Variants in CWF19L2 observed in about 807,000 individuals in gnomAD.
CWF19L2 encodes the protein CWF19 like cell cycle control factor 2.
CWF19L2 carries 98 observed loss-of-function variants against 111.7 expected under a neutral mutation model. The observed-to-expected ratio is 0.88, with a 90% confidence interval of 0.75 to 1.04. The LOEUF (loss-of-function observed/expected upper bound fraction) is 1.04, where lower values mean the gene tolerates loss of function less well. Among genes scored for constraint, CWF19L2 ranks in the 50% least tolerant of loss-of-function variants. The pLI, the probability that CWF19L2 is intolerant of heterozygous loss-of-function variation, is 0.00. For synonymous variants in CWF19L2, 351 were observed against 342.9 expected, an observed-to-expected ratio of 1.02 and a Z score of -0.26; for missense variants, 1,101 against 1,051.4, an observed-to-expected ratio of 1.05 and a Z score of -0.65.
chr11:107,339,597 T>A (rs559203930), intron 14 of CWF19L2, among the ~76,000 whole-genome samples: 1 of 152,132 alleles, frequency 6.6e-6, no homozygotes, highest in African/African-American at 2.4e-5. Flanking sequence ...ATATCATTTT[T>A]ATATGCTTAT....
At chr11:107,390,921 A>G (rs1199300378) in intron 11 of CWF19L2, among the ~76,000 whole-genome samples, 1 of 152,200 alleles carries the variant, frequency 6.6e-6, no homozygotes, top group Non-Finnish European at 1.5e-5. Context: ...GCTGCCAGCG[A>G]GTCAGAGATG....
rs777931542 is a variant in CWF19L2, at chr11:107,455,690, A to G, written c.192T>C (p.Asn64=). The change falls in exon 2 of 18, where the codon AAT becomes AAC. Residue 64 remains asparagine (N), a synonymous_variant. Transcript: ENST00000282251. ...GEDTWMLPDV[N]ERIEQFSQEH... Reference sequence around the variant, plus strand: ...CCTGTGAGAACTGTTCAATTCTCTCATTCACATCAGGTAGCATCCATGTAT... The same window carrying G: ...CCTGTGAGAACTGTTCAATTCTCTCGTTCACATCAGGTAGCATCCATGTAT... 3.4e-5 allele frequency: 53 copies of G among 1,549,766 alleles called. No homozygotes were observed. The highest frequency in any genetic ancestry group is 7.9e-6 in the Non-Finnish European group (9 of 1,145,644).
chr11:107,442,420 G>A (rs1293734328), intron 4 of CWF19L2, among the ~76,000 whole-genome samples: 1 of 151,830 alleles, frequency 6.6e-6, no homozygotes, highest in Non-Finnish European at 1.5e-5. Flanking sequence ...AGTGGCTCAC[G>A]TCTCTAATTC....
At chr11:107,434,645 T>A (rs944116354) in intron 6 of CWF19L2, among the ~76,000 whole-genome samples, 24 of 121,124 alleles carry the variant, frequency 2.0e-4, no homozygotes, top group African/African-American at 7.1e-4. Context: ...GATATATTCC[T>A]AAAATATACT....
At chr11:107,396,979 T>C (rs538123495) in intron 10 of CWF19L2, among the ~76,000 whole-genome samples, 1 of 152,166 alleles carries the variant, frequency 6.6e-6, no homozygotes, top group South Asian at 2.1e-4. Flanking sequence ...CCAAGTGAAA[T>C]ACAGGGGTAG....
At chr11:107,331,984 G>A (rs1413214227) in intron 16 of CWF19L2, among the ~76,000 whole-genome samples, 2 of 152,132 alleles carry the variant, frequency 1.3e-5, no homozygotes, top group East Asian at 3.8e-4. Context: ...TGGAACTCTG[G>A]CACCACTCTT....
At chr11:107,428,724 G>C in intron 8 of CWF19L2, 75 bp downstream of exon 8, 1 of 1,140,392 alleles carries the variant, frequency 8.8e-7, no homozygotes, top group Non-Finnish European at 1.3e-6. Flanking sequence ...GCTAATAACT[G>C]ATGTTCTAAA....
intron 7 of CWF19L2, among the ~76,000 whole-genome samples, chr11:107,430,790 C>T (rs584778): frequency 0.18 from 27,096 of 151,384 alleles, 2,573 homozygotes; most frequent in Middle Eastern, 0.27. Context: ...CCTGGAGATA[C>T]GATGTACAGT....
At chr11:107,340,080 C>T (rs557034127) in intron 14 of CWF19L2, among the ~76,000 whole-genome samples, 162 of 152,006 alleles carry the variant, frequency 1.1e-3, no homozygotes, top group African/African-American at 3.5e-3. Context: ...ATATTTTCTC[C>T]TAGTTTATAA....
intron 7 of CWF19L2, among the ~76,000 whole-genome samples, chr11:107,432,630 C>T (rs184648056): frequency 3.6e-3 from 543 of 152,170 alleles, no homozygotes; most frequent in African/African-American, 0.012. Context: ...TGTATAAAAA[C>T]AAAAGCAAAA....
chr11:107,423,335 T>C (rs1178450004), intron 8 of CWF19L2, among the ~76,000 whole-genome samples: 1 of 152,030 alleles, frequency 6.6e-6, no homozygotes, highest in Non-Finnish European at 1.5e-5. Flanking sequence ...CTTATGTTTA[T>C]GTTTATTATG....
intron 12 of CWF19L2, among the ~76,000 whole-genome samples, chr11:107,388,924 A>G (rs1860809719): frequency 6.6e-6 from 1 of 152,186 alleles, no homozygotes; most frequent in South Asian, 2.1e-4. Flanking sequence ...TGGGCTAAAT[A>G]TAAGATCTCA....
intron 10 of CWF19L2, chr11:107,403,317 C>G: frequency 2.0e-6 from 1 of 491,978 alleles, no homozygotes; most frequent in Non-Finnish European, 3.6e-6. Context: ...TTTTCATTTA[C>G]CCTAACAGGT....
chr11:107,338,089 G>A (rs560835113), intron 14 of CWF19L2, among the ~76,000 whole-genome samples: 87 of 152,164 alleles, frequency 5.7e-4, no homozygotes, highest in Admixed American at 3.3e-3. Context: ...ATGTGGTTAT[G>A]CTATGTTGCC....
intron 16 of CWF19L2, among the ~76,000 whole-genome samples, chr11:107,332,483 T>C (rs1037366983): frequency 1.3e-5 from 2 of 151,830 alleles, no homozygotes; most frequent in Non-Finnish European, 2.9e-5. Flanking sequence ...AAAACATAAA[T>C]TTGTAAAAAT....
At chr11:107,395,242 C>G (rs2134599886) in intron 10 of CWF19L2, among the ~76,000 whole-genome samples, 1 of 152,326 alleles carries the variant, frequency 6.6e-6, no homozygotes, top group East Asian at 1.9e-4. Flanking sequence ...CAAGCTCTCT[C>G]TTTCCCTGCT....
intron 16 of CWF19L2, among the ~76,000 whole-genome samples, chr11:107,332,755 C>A (rs1262567350): frequency 3.3e-5 from 5 of 152,020 alleles, no homozygotes; most frequent in African/African-American, 1.2e-4. Flanking sequence ...CAAAAAGTGA[C>A]CTCCTTTGGA....
intron 16 of CWF19L2, among the ~76,000 whole-genome samples, chr11:107,331,149 A>G (rs759441921): frequency 6.6e-6 from 1 of 152,222 alleles, no homozygotes; most frequent in African/African-American, 2.4e-5. Context: ...ATTTTTAAAT[A>G]TAATAATCAT....
chr11:107,364,307 T>C (rs1215576231), intron 12 of CWF19L2, among the ~76,000 whole-genome samples: 2 of 145,722 alleles, frequency 1.4e-5, no homozygotes, highest in Admixed American at 6.7e-5. Context: ...TGAACTCAGC[T>C]CTGCCTCAAG....
Sources: gnomAD v4.1 joint callset for allele counts (sites outside exome capture counted in the v4.1 genomes callset) on GRCh38, gnomAD v4.1.1 for gene constraint, MANE v1.5 for transcripts, NCBI Gene and HGNC (gene_info 2026-07-23, HGNC 2026-07-21) for gene names.